Variants in SULT6B1 observed in about 807,000 individuals in gnomAD.
SULT6B1 encodes the protein sulfotransferase 6B1.
A neutral mutation model predicts 37.2 loss-of-function variants in SULT6B1; 44 were observed. The ratio of observed to expected loss-of-function variants is 1.18; its 90% confidence interval spans 0.93 to 1.52. The LOEUF (loss-of-function observed/expected upper bound fraction) is 1.52. Ranked by LOEUF, SULT6B1 falls within the 40% of genes most tolerant of loss-of-function variation. The probability of loss-of-function intolerance (pLI) is 0.00; values close to 1 mark genes in which losing one functional copy is unlikely to be tolerated. For missense variants in SULT6B1, 450 were observed against 361.0 expected (o/e 1.25, Z -2.00); for synonymous variants, 140 against 126.0 (o/e 1.11, Z -0.74).
chr2:37,182,253 A>ATT lies in SULT6B1; in HGVS notation c.402+1170_402+1171dup, dbSNP rs56665951. On this transcript the variant is annotated intron_variant, in intron 3 of 6. Coordinates refer to ENST00000535679, the MANE Select transcript of SULT6B1 (RefSeq NM_001367551.1). ...CTTGCTAGCATTCGGCAGAAGTTAA[A>ATT]TTTTTTTTTTTTTTTTTTGAGACAA... is the stretch of plus-strand genomic sequence containing the variant. Among the ~76,000 whole-genome samples, 1,091 of 137,432 alleles carry ATT rather than the reference A, an allele frequency of 7.9e-3. 14 individuals are homozygous for ATT. Among genetic ancestry groups the ATT allele is most frequent in the African/African-American group, 0.028 (1,028 of 36,598 alleles). 90.2% of individuals were successfully genotyped at this position (137,432 alleles called of 152,430 possible).
intron 2 of SULT6B1, among the ~76,000 whole-genome samples, 177 bp from the exon 3 acceptor site, chr2:37,183,691 T>G (rs952331482): frequency 2.6e-5 from 4 of 152,218 alleles, no homozygotes; most frequent in African/African-American, 9.6e-5. Flanking sequence ...TCGCCCAGGC[T>G]GTAGTGTTGT....
intron 3 of SULT6B1, among the ~76,000 whole-genome samples, chr2:37,181,129 T>C (rs908999827): frequency 2.6e-5 from 4 of 152,158 alleles, no homozygotes; most frequent in African/African-American, 7.2e-5. Context: ...ACCAACAGGA[T>C]AAAATTGAGT....
At chr2:37,177,862 A>C (rs1272190546) in intron 4 of SULT6B1, among the ~76,000 whole-genome samples, 4 of 152,188 alleles carry the variant, frequency 2.6e-5, no homozygotes, top group Non-Finnish European at 5.9e-5. Context: ...ACATTTTTTA[A>C]AAAGTAGCCC....
chr2:37,176,650 T>A (rs896095333), intron 4 of SULT6B1, among the ~76,000 whole-genome samples: 1 of 152,168 alleles, frequency 6.6e-6, no homozygotes, highest in Non-Finnish European at 1.5e-5. Flanking sequence ...GCAGTTTCTA[T>A]GTGTTTTATT....
intron 5 of SULT6B1, 100 bp downstream of exon 5, chr2:37,175,032 T>G (rs960702144): frequency 1.6e-6 from 1 of 625,102 alleles, no homozygotes. Context: ...TTTTTAAAAA[T>G]TGAACACCAT....
intron 4 of SULT6B1, among the ~76,000 whole-genome samples, chr2:37,175,514 T>TA (rs1238261950): frequency 6.6e-6 from 1 of 152,072 alleles, no homozygotes; most frequent in Non-Finnish European, 1.5e-5. Context: ...TTAGGTGGAT[T>TA]AAAAAAATTC....
chr2:37,176,606 T>C (rs1295175597), intron 4 of SULT6B1, among the ~76,000 whole-genome samples: 17 of 152,158 alleles, frequency 1.1e-4, no homozygotes, highest in Admixed American at 1.1e-3. Context: ...ATTATCATGA[T>C]CATTGTTATC....
intron 5 of SULT6B1, among the ~76,000 whole-genome samples, chr2:37,172,946 G>A (rs1676338245): frequency 6.6e-6 from 1 of 151,972 alleles, no homozygotes; most frequent in Non-Finnish European, 1.5e-5. Flanking sequence ...TCCACCTCCT[G>A]GGTTCAAGTG....
chr2:37,181,044 AATT>A (rs1304423846), intron 3 of SULT6B1, among the ~76,000 whole-genome samples: 1 of 152,232 alleles, frequency 6.6e-6, no homozygotes, highest in Non-Finnish European at 1.5e-5. Context: ...ATATTTACCA[AATT>A]TGTAAATAAC....
intron 3 of SULT6B1, among the ~76,000 whole-genome samples, chr2:37,181,609 G>A (rs1676551753): frequency 7.2e-6 from 1 of 138,580 alleles, no homozygotes; most frequent in African/African-American, 2.6e-5. Context: ...TTGAACTCCT[G>A]GGCTCAAGCG....
chr2:37,170,754 A>C (rs893836031), intron 6 of SULT6B1, among the ~76,000 whole-genome samples: 5 of 151,108 alleles, frequency 3.3e-5, no homozygotes, highest in South Asian at 2.1e-4. Context: ...AAAAAAAAAA[A>C]AAAAAACTCA....
chr2:37,168,117 A>G (rs752038975), intron 6 of SULT6B1, 52 bp from the exon 7 acceptor site: 1 of 1,495,864 alleles, frequency 6.7e-7, no homozygotes, highest in Non-Finnish European at 8.9e-7. Context: ...ATATTTCTTC[A>G]TGATTTTACC....
intron 1 of SULT6B1, among the ~76,000 whole-genome samples, chr2:37,188,180 G>A (rs1054254568): frequency 9.9e-5 from 15 of 152,170 alleles, no homozygotes; most frequent in Admixed American, 2.6e-4. Flanking sequence ...TTCCAGGCCC[G>A]TCATCCACCC....
Position 37,188,445 on chromosome 2 carries a change from A to C in SULT6B1, c.196T>G (p.Cys66Gly). ...TAGGAAACGACTTGTCATTTACCGC[A>C]CTTTGGATAAGATGCTAGCACGATG... ...DDIVLASYPK[C>G]GSNWILHIVS... Residue 66 changes from cysteine (C) to glycine (G), a missense_variant, in exon 1 of 7, where the codon TGC (cysteine) becomes GGC (glycine). Physicochemically the swap from Cys to Gly is radical, Grantham distance 159 (BLOSUM62 -3). Transcript: ENST00000535679. 6.2e-7 allele frequency: 1 copy of C among 1,612,794 alleles called. No individual in the cohort carries two copies. Among genetic ancestry groups the C allele is most frequent in the South Asian group, 1.1e-5 (1 of 90,838 alleles).
intron 4 of SULT6B1, among the ~76,000 whole-genome samples, chr2:37,175,862 T>G (rs1311071844): frequency 1.3e-5 from 2 of 152,252 alleles, no homozygotes; most frequent in African/African-American, 4.8e-5. Context: ...GATGTATATT[T>G]AGATTTAATA....
chr2:37,183,415 G>C lies in SULT6B1; in HGVS notation c.402+10C>G, dbSNP rs1676598254. 3 of 1,607,992 alleles carry C rather than the reference G, an allele frequency of 1.9e-6. No homozygotes were observed. The highest frequency in any genetic ancestry group is 2.2e-5 in the South Asian group (2 of 90,848). ...ATTTCAAAGAATTATCAGTAGGAAA[G>C]GACACTCACCTTGGCTTTATTCTCG... On this transcript the variant is annotated intron_variant, in intron 3 of 6. Transcript: ENST00000535679.
chr2:37,182,041 A>G (rs1373707862), intron 3 of SULT6B1, among the ~76,000 whole-genome samples: 1 of 152,136 alleles, frequency 6.6e-6, no homozygotes, highest in East Asian at 1.9e-4. Flanking sequence ...ATTTTAAGCT[A>G]CTAGGATTCT....
At chr2:37,195,174 T>C (rs113037473) in intron 1 of SULT6B1, among the ~76,000 whole-genome samples, 6,792 of 152,196 alleles carry the variant, frequency 0.045, 195 homozygotes, top group Non-Finnish European at 0.066. Context: ...GGTCTTGAAC[T>C]CCTGACCTCA....
intron 3 of SULT6B1, among the ~76,000 whole-genome samples, chr2:37,180,398 A>G (rs1676525364): frequency 6.6e-6 from 1 of 152,240 alleles, no homozygotes; most frequent in Non-Finnish European, 1.5e-5. Context: ...AGAATTGACT[A>G]AAAACAAGAT....
Sources: gnomAD v4.1 joint callset for allele counts (sites outside exome capture counted in the v4.1 genomes callset) on GRCh38, gnomAD v4.1.1 for gene constraint, MANE v1.5 for transcripts, NCBI Gene and HGNC (gene_info 2026-07-23, HGNC 2026-07-21) for gene names.